The following EPHA5 variants were observed in gnomAD, a reference collection of about 807,000 sequenced individuals.
EPHA5 encodes EPH receptor A5.
A neutral mutation model predicts 105.0 loss-of-function variants in EPHA5; 60 were observed. The observed-to-expected ratio is 0.57, with a 90% confidence interval of 0.46 to 0.71. The LOEUF is 0.71. EPHA5 is among the 30% of genes least tolerant of loss of function. The probability of loss-of-function intolerance (pLI) is 0.00; values close to 1 mark genes in which losing one functional copy is unlikely to be tolerated. For synonymous variants in EPHA5, 513 were observed against 449.1 expected, an observed-to-expected ratio of 1.14 and a Z score of -1.80; for missense variants, 1,218 against 1,274.7, an observed-to-expected ratio of 0.96 and a Z score of 0.68.
intron 5 of EPHA5, among the ~76,000 whole-genome samples, chr4:65,432,516 T>C (rs576073451): frequency 2.2e-4 from 34 of 152,152 alleles, no homozygotes; most frequent in Non-Finnish European, 4.3e-4. Flanking sequence ...GACTTCTGTG[T>C]TGAGTTCCTT....
At chr4:65,605,631 A>G (rs907113871) in intron 2 of EPHA5, among the ~76,000 whole-genome samples, 5 of 151,994 alleles carry the variant, frequency 3.3e-5, no homozygotes, top group Non-Finnish European at 5.9e-5. Context: ...TTTCATTATT[A>G]TGTTTCTATT....
chr4:65,326,083 A>T (rs549485671), intron 16 of EPHA5, among the ~76,000 whole-genome samples: 6 of 149,282 alleles, frequency 4.0e-5, no homozygotes, highest in African/African-American at 1.5e-4. Context: ...TAAATTGGTG[A>T]CACTTTATAA....
chr4:65,476,127 AGTGTGTGT>A (rs58933650), intron 5 of EPHA5, among the ~76,000 whole-genome samples: 1 of 119,190 alleles, frequency 8.4e-6, no homozygotes, highest in South Asian at 3.1e-4. Flanking sequence ...AGAGAGAGAG[AGTGTGTGT>A]GTGTGTGTGT....
chr4:65,375,327 T>C (rs1165671537), intron 8 of EPHA5, among the ~76,000 whole-genome samples: 1 of 151,680 alleles, frequency 6.6e-6, no homozygotes, highest in African/African-American at 2.4e-5. Flanking sequence ...CAAATACACA[T>C]GCACATATAC....
intron 5 of EPHA5, among the ~76,000 whole-genome samples, chr4:65,437,803 T>C (rs1295308468): frequency 1.3e-5 from 2 of 151,940 alleles, no homozygotes; most frequent in African/African-American, 2.4e-5. Context: ...ACTCACAATG[T>C]CATAGGGATT....
chr4:65,438,004 A>T (rs948133194), intron 5 of EPHA5, among the ~76,000 whole-genome samples: 1 of 151,988 alleles, frequency 6.6e-6, no homozygotes, highest in Non-Finnish European at 1.5e-5. Flanking sequence ...AATCCTCTGG[A>T]TTCAGAAAAC....
chr4:65,395,237 C>T (rs1054128063), intron 8 of EPHA5, among the ~76,000 whole-genome samples: 8 of 152,284 alleles, frequency 5.3e-5, no homozygotes, highest in African/African-American at 1.9e-4. Flanking sequence ...AACTCTTCTT[C>T]TATGCCTAAC....
At chr4:65,503,614 A>G (rs941570015) in intron 3 of EPHA5, among the ~76,000 whole-genome samples, 3 of 151,830 alleles carry the variant, frequency 2.0e-5, no homozygotes, top group Admixed American at 1.3e-4. Flanking sequence ...ATTCAAAGAT[A>G]ATATAATATT....
chr4:65,610,065 A>G (rs1744619083), intron 2 of EPHA5, among the ~76,000 whole-genome samples: 5 of 152,156 alleles, frequency 3.3e-5, no homozygotes, highest in African/African-American at 1.2e-4. Flanking sequence ...TATTCACAAC[A>G]GCAAAGACAA....
intron 4 of EPHA5, among the ~76,000 whole-genome samples, chr4:65,494,770 G>A (rs1422698363): frequency 6.6e-6 from 1 of 151,126 alleles, no homozygotes; most frequent in Non-Finnish European, 1.5e-5. Flanking sequence ...CAAAAAAATT[G>A]GTGTATGTAT....
rs751185931 is a variant in EPHA5 at position 65,414,462 on chromosome 4, A to G, written c.1528-19T>C. 66 of 1,611,252 alleles carry G rather than the reference A, an allele frequency of 4.1e-5. 1 individual carries two copies. The South Asian group carries it at 7.0e-4, about 17-fold the overall frequency. On this transcript the variant is annotated intron_variant, in intron 6 of 16. Transcript: ENST00000613740. ...CTTGGTCCTTGGGATGCGCATGCAT[A>G]TACAATAAAAAAGACAGCATATAAA...
chr4:65,417,013 A>G (rs1723449069), intron 6 of EPHA5, among the ~76,000 whole-genome samples: 1 of 152,188 alleles, frequency 6.6e-6, no homozygotes, highest in African/African-American at 2.4e-5. Context: ...AGCTGAGCAA[A>G]TGAGCTACAT....
chr4:65,618,384 T>A (rs974911086), intron 2 of EPHA5, among the ~76,000 whole-genome samples: 1 of 152,064 alleles, frequency 6.6e-6, no homozygotes, highest in Admixed American at 6.6e-5. Flanking sequence ...ACAAAGCATA[T>A]AATTATTGAA....
chr4:65,474,823 CATTTT>C (rs958034033), intron 5 of EPHA5, among the ~76,000 whole-genome samples: 27 of 152,230 alleles, frequency 1.8e-4, no homozygotes, highest in African/African-American at 6.0e-4. Context: ...TTACTCATTT[CATTTT>C]ATGTTAATAT....
chr4:65,575,697 C>T (rs368087907), intron 3 of EPHA5, among the ~76,000 whole-genome samples: 1 of 152,030 alleles, frequency 6.6e-6, no homozygotes, highest in African/African-American at 2.4e-5. Context: ...GAAGGCTGCA[C>T]GTGGTGGCTC....
intron 3 of EPHA5, among the ~76,000 whole-genome samples, chr4:65,496,150 A>T (rs1359024293): frequency 3.3e-5 from 5 of 152,220 alleles, no homozygotes; most frequent in African/African-American, 1.2e-4. Context: ...ACACCTACTG[A>T]TTCAACATTT....
At chr4:65,408,051 C>T (rs1398114806) in intron 7 of EPHA5, among the ~76,000 whole-genome samples, 1 of 152,170 alleles carries the variant, frequency 6.6e-6, no homozygotes. Flanking sequence ...GTTTCACATG[C>T]ATGAATTAAT....
chr4:65,575,337 C>G (rs1264561531), intron 3 of EPHA5, among the ~76,000 whole-genome samples: 1 of 152,118 alleles, frequency 6.6e-6, no homozygotes, highest in Non-Finnish European at 1.5e-5. Context: ...GATGTCCAAA[C>G]CCCACTCCTT....
At chr4:65,575,567 A>G (rs994981999) in intron 3 of EPHA5, among the ~76,000 whole-genome samples, 5 of 152,156 alleles carry the variant, frequency 3.3e-5, no homozygotes, top group Non-Finnish European at 5.9e-5. Context: ...CTATGAAGCA[A>G]TTGAGCTTAC....
Sources: gnomAD v4.1 joint callset for allele counts (sites outside exome capture counted in the v4.1 genomes callset) on GRCh38, gnomAD v4.1.1 for gene constraint, MANE v1.5 for transcripts, NCBI Gene and HGNC (gene_info 2026-07-23, HGNC 2026-07-21) for gene names.